The following PCDHGB2 variants were observed in gnomAD, a reference collection of about 807,000 sequenced individuals.
PCDHGB2 encodes the protein protocadherin gamma subfamily B, 2.
A neutral mutation model predicts 59.3 loss-of-function variants in PCDHGB2; 55 were observed. That is an observed-to-expected ratio of 0.93 (90% confidence interval 0.75 to 1.16). The LOEUF (loss-of-function observed/expected upper bound fraction) is 1.16, where lower values mean the gene tolerates loss of function less well. PCDHGB2 is among the 50% of genes most tolerant of loss of function. The pLI is 0.00. For synonymous variants in PCDHGB2, 516 were observed against 512.0 expected, an observed-to-expected ratio of 1.01 and a Z score of -0.11; for missense variants, 1,228 against 1,198.5, an observed-to-expected ratio of 1.02 and a Z score of -0.36.
Position 141,487,321 on chromosome 5 carries a change from T to C in PCDHGB2, c.2422-7486T>C. 1.2e-6 allele frequency: 2 copies of C among 1,614,198 alleles called. No individual in the cohort carries two copies. The highest frequency in any genetic ancestry group is 1.7e-6 in the Non-Finnish European group (2 of 1,180,040). Reference sequence around the variant, plus strand: ...TCGTGGCACTACTCTCTAAGTGTCTTCGTGGGGCAGCCTGTGGAGTCACAT... The same window carrying C: ...TCGTGGCACTACTCTCTAAGTGTCTCCGTGGGGCAGCCTGTGGAGTCACAT... On this transcript the variant is annotated intron_variant, in intron 1 of 3. Transcript: ENST00000522605. The surrounding 1 kb of genome is among the most constrained non-coding windows in gnomAD (Gnocchi z 5.0).
chr5:141,485,922 G>C lies in PCDHGB2; in HGVS notation c.2422-8885G>C. 6.2e-7 allele frequency: 1 copy of C among 1,614,170 alleles called. No individual in the cohort carries two copies. The highest frequency in any genetic ancestry group is 8.5e-7 in the Non-Finnish European group (1 of 1,180,036). On this transcript the variant is annotated intron_variant, in intron 1 of 3. Transcript: ENST00000522605. This position sits in a 1 kb window ranked among gnomAD's most constrained non-coding sequence, Gnocchi z 5.7. The stretch of plus-strand genomic sequence containing the variant: ...TTCCAGCAATCCAGCTACAGGATTA[G>C]TGTGTTGGAGAGCGCACCAGCGGGC...
chr5:141,447,823 C>T lies in PCDHGB2; in HGVS notation c.2422-46984C>T, dbSNP rs192381755. ...AAAATTGGCTGGGCGTGGTGGCTCA[C>T]GCCTGTAATCCCAGTGCTTTGGGAG... On this transcript the variant is annotated intron_variant, in intron 1 of 3. Coordinates refer to ENST00000522605, the MANE Select transcript of PCDHGB2 (RefSeq NM_018923.3). Among the ~76,000 whole-genome samples, 677 of 152,272 alleles carry T rather than the reference C, an allele frequency of 4.4e-3. 5 individuals are homozygous for T. Among genetic ancestry groups the T allele is most frequent in the African/African-American group, 0.015 (635 of 41,548 alleles).
At chr5:141,417,456 G>A (rs1354162154) in intron 1 of PCDHGB2, 1 of 177,626 alleles carries the variant, frequency 5.6e-6, no homozygotes, top group Non-Finnish European at 1.2e-5. Context: ...TTATGACCAA[G>A]TGGAAATATA....
In PCDHGB2 at chr5:141,511,445, A is replaced by G; in HGVS notation, c.*272A>G. ...GGTAGTGGGGTTACTGTAGACACCA[A>G]GAACCATTTGCCACACCCCGTTTAG... On this transcript the variant is annotated 3_prime_UTR_variant, in exon 4 of 4. Coordinates refer to ENST00000522605, the MANE Select transcript of PCDHGB2 (RefSeq NM_018923.3). 4.5e-6 allele frequency: 3 copies of G among 659,774 alleles called. No individual in the cohort carries two copies. Among genetic ancestry groups the G allele is most frequent in the Non-Finnish European group, 4.9e-6 (2 of 412,228 alleles). 40.9% of individuals were successfully genotyped at this position (659,774 alleles called of 1,614,324 possible). A position where few individuals can be genotyped will look rare whatever the true frequency, so the allele number is the denominator to read the frequency against.
At chr5:141,503,099 C>T (rs1286557930) in intron 2 of PCDHGB2, among the ~76,000 whole-genome samples, 1 of 151,884 alleles carries the variant, frequency 6.6e-6, no homozygotes, top group Non-Finnish European at 1.5e-5. Context: ...GTGGTCTGCC[C>T]GCCCCTGCCT....
chr5:141,372,258 C>A (rs762173867), intron 1 of PCDHGB2: 22 of 1,612,952 alleles, frequency 1.4e-5, no homozygotes, highest in Non-Finnish European at 1.9e-5. Context: ...CCTGGGCCTG[C>A]GCACGGGTGA....
intron 1 of PCDHGB2, chr5:141,393,004 T>C (rs781030004): frequency 1.2e-6 from 2 of 1,613,554 alleles, no homozygotes; most frequent in Middle Eastern, 1.7e-4. Flanking sequence ...AAGCACGGAG[T>C]CCGTATCGTC....
chr5:141,509,810 G>T (rs1272295976), intron 3 of PCDHGB2, among the ~76,000 whole-genome samples: 1 of 152,154 alleles, frequency 6.6e-6, no homozygotes, highest in East Asian at 1.9e-4. Flanking sequence ...ATAGAGCCGA[G>T]CTCTTCTCCA....
chr5:141,401,250 GA>G (rs1387561920), intron 1 of PCDHGB2, among the ~76,000 whole-genome samples: 4 of 152,148 alleles, frequency 2.6e-5, no homozygotes, highest in African/African-American at 9.7e-5. Flanking sequence ...GCTAAGACAG[GA>G]GAATTGCTTG....
chr5:141,478,326 C>T, intron 1 of PCDHGB2: 1 of 1,613,950 alleles, frequency 6.2e-7, no homozygotes, highest in Admixed American at 1.7e-5. Flanking sequence ...CTGTACCGAA[C>T]ACCAGGGCCC....
rs748115530 is a variant in PCDHGB2 at position 141,489,429 on chromosome 5, G to C, written c.2422-5378G>C. 5 of 1,614,022 alleles carry C rather than the reference G, an allele frequency of 3.1e-6. No individual in the cohort carries two copies. The East Asian group carries it at 8.9e-5, about 29-fold the overall frequency. ...AGATGACAGATCTGTTGAGCCGGCG[G>C]CTGCAATTGGGCTCTGAGGAGAATG... On this transcript the variant is annotated intron_variant, in intron 1 of 3. Transcript: ENST00000522605. The surrounding 1 kb of genome is among the most constrained non-coding windows in gnomAD (Gnocchi z 4.5).
intron 1 of PCDHGB2, chr5:141,418,928 A>C: frequency 1.2e-6 from 2 of 1,613,978 alleles, no homozygotes; most frequent in Non-Finnish European, 1.7e-6. Flanking sequence ...TGATCAGATT[A>C]TGGAGGATTC....
intron 1 of PCDHGB2, chr5:141,440,034 A>T (rs995962283): frequency 6.5e-6 from 1 of 153,052 alleles, no homozygotes; most frequent in African/African-American, 2.4e-5. Context: ...AGTGTCGAGG[A>T]CATGCCCACT....
At chr5:141,456,175 A>G (rs2154565434) in intron 1 of PCDHGB2, among the ~76,000 whole-genome samples, 1 of 151,840 alleles carries the variant, frequency 6.6e-6, no homozygotes, top group East Asian at 1.9e-4. Context: ...GGGATTACAG[A>G]ATAATTTCTT....
intron 1 of PCDHGB2, among the ~76,000 whole-genome samples, chr5:141,448,837 C>CT (rs2098610093): frequency 6.6e-6 from 1 of 152,014 alleles, no homozygotes; most frequent in Non-Finnish European, 1.5e-5. Context: ...CCCAGCTACT[C>CT]TGGAGGCTGA....
chr5:141,376,710 C>A lies in PCDHGB2; in HGVS notation c.2421+14154C>A, dbSNP rs967144900. 118 of 619,882 alleles carry A rather than the reference C, an allele frequency of 1.9e-4. No individual in the cohort carries two copies. The East Asian group carries it at 3.7e-3, about 19-fold the overall frequency. 38.4% of individuals were successfully genotyped at this position (619,882 alleles called of 1,614,324 possible). Reference sequence around the variant, plus strand: ...TTTTTTTTTTTTTGAGACGGAGTCTCGCTCTGTCGCCCAGGCCGGACTGCG... The same window carrying A: ...TTTTTTTTTTTTTGAGACGGAGTCTAGCTCTGTCGCCCAGGCCGGACTGCG... On this transcript the variant is annotated intron_variant, in intron 1 of 3. Transcript: ENST00000522605.
At position 141,360,049 on chromosome 5, in the gene PCDHGB2, A is replaced by G. The variant is rs1330133031; in HGVS notation, c.-87A>G. ...GTATAGATTCGGAAACAGAAAACAA[A>G]AGCAGGAAAAGTGACCTTAGCCCGG... is the stretch of plus-strand genomic sequence containing the variant. On this transcript the variant is annotated 5_prime_UTR_variant, in exon 1 of 4. Transcript: ENST00000522605. 2 of 1,434,672 alleles carry G rather than the reference A, an allele frequency of 1.4e-6. No homozygotes were observed. The highest frequency in any genetic ancestry group is 2.9e-5 in the African/African-American group (2 of 69,382). 88.9% of individuals were successfully genotyped at this position (1,434,672 alleles called of 1,614,324 possible).
chr5:141,416,223 A>AT, intron 1 of PCDHGB2: 1 of 152,302 alleles, frequency 6.6e-6, no homozygotes, highest in East Asian at 1.9e-4. Flanking sequence ...GTATGCTTAG[A>AT]TTTTTCCAGC....
intron 1 of PCDHGB2, chr5:141,379,765 A>G (rs1294190356): frequency 6.6e-6 from 1 of 152,120 alleles, no homozygotes; most frequent in Non-Finnish European, 1.5e-5. Context: ...CACCTGCAAT[A>G]CAGATCATTA....
Sources: gnomAD v4.1 joint callset for allele counts (sites outside exome capture counted in the v4.1 genomes callset) on GRCh38, gnomAD v4.1.1 for gene constraint, Gnocchi (gnomAD v3.1) non-coding constraint, MANE v1.5 for transcripts, NCBI Gene and HGNC (gene_info 2026-07-23, HGNC 2026-07-21) for gene names.